Variants in CACNB2 observed in about 807,000 individuals in gnomAD.
The protein encoded by CACNB2 is calcium voltage-gated channel auxiliary subunit beta 2.
In CACNB2, 42 loss-of-function variants were observed where a neutral mutation model predicts 73.3. That is an observed-to-expected ratio of 0.57 (90% CI 0.45 to 0.74). CACNB2 has a LOEUF of 0.74. Among genes scored for constraint, CACNB2 ranks in the 30% least tolerant of loss-of-function variants. The pLI, the probability that CACNB2 is intolerant of heterozygous loss-of-function variation, is 0.00. For synonymous variants in CACNB2, 348 were observed against 310.3 expected (o/e 1.12, Z -1.28); for missense variants, 940 against 853.0 (o/e 1.10, Z -1.27).
At chr10:18,192,151 A>G (rs2482100) in intron 2 of CACNB2, among the ~76,000 whole-genome samples, 123,577 of 151,660 alleles carry the variant, frequency 0.81, 50,453 homozygotes, top group Middle Eastern at 0.85. Flanking sequence ...AAGGCCAGAC[A>G]AAGGTACAGT....
intron 2 of CACNB2, among the ~76,000 whole-genome samples, chr10:18,353,801 A>G (rs11594922): frequency 0.16 from 23,626 of 152,186 alleles, 1,907 homozygotes; most frequent in Middle Eastern, 0.24. Flanking sequence ...GGTTCATCAC[A>G]TGTATCTGTT....
chr10:18,428,104 G>T (rs559984178), intron 3 of CACNB2, among the ~76,000 whole-genome samples: 24 of 152,160 alleles, frequency 1.6e-4, no homozygotes, highest in African/African-American at 5.8e-4. Flanking sequence ...TATTGGGATG[G>T]TGAGTTATCT....
At chr10:18,285,456 C>T (rs1302200147) in intron 2 of CACNB2, among the ~76,000 whole-genome samples, 1 of 152,216 alleles carries the variant, frequency 6.6e-6, no homozygotes, top group African/African-American at 2.4e-5. Flanking sequence ...GCACTGTCTG[C>T]CACTTGGGTG....
At chr10:18,358,692 G>C (rs2042030610) in intron 2 of CACNB2, among the ~76,000 whole-genome samples, 1 of 152,072 alleles carries the variant, frequency 6.6e-6, no homozygotes, top group African/African-American at 2.4e-5. Flanking sequence ...TAGAGCAATA[G>C]AGTATGATAG....
intron 3 of CACNB2, among the ~76,000 whole-genome samples, chr10:18,424,211 G>A (rs1050208058): frequency 6.6e-6 from 1 of 152,128 alleles, no homozygotes; most frequent in Non-Finnish European, 1.5e-5. Context: ...GAATTCAAGG[G>A]CAAGCCAGAG....
At chr10:18,377,599 T>C (rs888966114) in intron 2 of CACNB2, among the ~76,000 whole-genome samples, 2 of 152,236 alleles carry the variant, frequency 1.3e-5, no homozygotes, top group African/African-American at 4.8e-5. Flanking sequence ...CTTCTTTTGA[T>C]TGATTTCAAC....
intron 2 of CACNB2, among the ~76,000 whole-genome samples, chr10:18,190,245 A>T (rs1486776315): frequency 6.6e-6 from 1 of 152,228 alleles, no homozygotes; most frequent in African/African-American, 2.4e-5. Flanking sequence ...AGATTCATCC[A>T]GTAATACAGA....
intron 2 of CACNB2, chr10:18,401,072 G>A (rs2132528308): frequency 6.2e-7 from 1 of 1,614,184 alleles, no homozygotes; most frequent in East Asian, 2.2e-5. Context: ...AGAGCCAAGG[G>A]AGGAAGGCTG....
intron 1 of CACNB2, 69 bp from the exon 2 acceptor site, chr10:18,150,814 C>T: frequency 6.1e-6 from 6 of 977,442 alleles, no homozygotes; most frequent in South Asian, 1.5e-5. Context: ...TGCAACTAGG[C>T]CTACATTCCT....
intron 2 of CACNB2, among the ~76,000 whole-genome samples, chr10:18,157,542 AC>A (rs2032148305): frequency 6.6e-6 from 1 of 152,238 alleles, no homozygotes; most frequent in African/African-American, 2.4e-5. Context: ...TAAGAAATAG[AC>A]TATGGAGAGG....
chr10:18,414,215 T>G (rs563414580), intron 3 of CACNB2, among the ~76,000 whole-genome samples: 1 of 152,226 alleles, frequency 6.6e-6, no homozygotes, highest in Non-Finnish European at 1.5e-5. Context: ...TACTCTAACT[T>G]TGAGATGTGC....
chr10:18,423,966 A>G (rs891058546), intron 3 of CACNB2, among the ~76,000 whole-genome samples: 1 of 152,120 alleles, frequency 6.6e-6, no homozygotes, highest in Non-Finnish European at 1.5e-5. Flanking sequence ...TGAAAATAGG[A>G]TGTCATCTTG....
intron 2 of CACNB2, among the ~76,000 whole-genome samples, chr10:18,312,100 A>G (rs1216092505): frequency 6.6e-6 from 1 of 152,214 alleles, no homozygotes; most frequent in Non-Finnish European, 1.5e-5. Flanking sequence ...TTGTCTGACT[A>G]ACAGAAATTT....
intron 1 of CACNB2, among the ~76,000 whole-genome samples, chr10:18,143,830 C>T (rs1345424132): frequency 6.6e-6 from 1 of 152,150 alleles, no homozygotes; most frequent in Non-Finnish European, 1.5e-5. Flanking sequence ...ACAAATGGAA[C>T]CTCTAAAGCA....
intron 3 of CACNB2, among the ~76,000 whole-genome samples, chr10:18,479,207 A>T (rs1239234225): frequency 2.0e-5 from 3 of 152,184 alleles, no homozygotes. Context: ...TCTGTATTAT[A>T]TAACATATAT....
chr10:18,257,424 G>A (rs1356485907), intron 2 of CACNB2: 1 of 152,242 alleles, frequency 6.6e-6, no homozygotes, highest in African/African-American at 2.4e-5. Context: ...ATAGAGATAA[G>A]TAAAGACTGA....
intron 2 of CACNB2, among the ~76,000 whole-genome samples, chr10:18,228,729 C>T (rs1359827604): frequency 9.8e-6 from 1 of 102,448 alleles, no homozygotes. Context: ...TTACCCTCTT[C>T]CCTCTTAATG....
intron 2 of CACNB2, chr10:18,234,094 C>T (rs1019109429): frequency 6.6e-6 from 1 of 152,170 alleles, no homozygotes; most frequent in South Asian, 2.1e-4. Flanking sequence ...AGGTTATGTC[C>T]TGGCGTTAGA....
At position 18,140,813 on chromosome 10, in the gene CACNB2, T is replaced by C. The variant is rs1002404994; in HGVS notation, c.77T>C (p.Leu26Pro). The C allele has an allele frequency of 1.2e-6, 2 of 1,604,582 alleles. No homozygotes were observed. Among genetic ancestry groups the C allele is most frequent in the Non-Finnish European group, 1.7e-6 (2 of 1,177,028 alleles). The change falls in exon 1 of 14, where the codon CTA becomes CCA. Residue 26 changes from leucine to proline, a missense_variant. By Grantham distance (98) the Leu-to-Pro change is moderately conservative. Transcript: ENST00000324631. The part of the protein sequence containing the change: ...AVAQEIQMEL[L>P]ENVAPAGALG... Reference sequence around the variant, plus strand: ...GCGCAGGAGATCCAGATGGAACTGCTAGAGAACGTGGCTCCCGCGGGGGCG... The same window carrying C: ...GCGCAGGAGATCCAGATGGAACTGCCAGAGAACGTGGCTCCCGCGGGGGCG...
Sources: gnomAD v4.1 joint callset for allele counts (sites outside exome capture counted in the v4.1 genomes callset) on GRCh38, gnomAD v4.1.1 for gene constraint, MANE v1.5 for transcripts, NCBI Gene and HGNC (gene_info 2026-07-23, HGNC 2026-07-21) for gene names.